CBR4: variants seen among roughly 807,000 people sequenced by gnomAD.
CBR4 encodes the protein carbonyl reductase 4, also known as 3-oxoacyl-[acyl-carrier-protein] reductase.
CBR4 carries 22 observed loss-of-function variants against 21.0 expected under a neutral mutation model. That is an observed-to-expected ratio of 1.05 (90% confidence interval 0.75 to 1.50). CBR4 has a LOEUF of 1.50. CBR4 is among the 40% of genes most tolerant of loss of function. CBR4 has a pLI of 0.00. For missense variants in CBR4, 302 were observed against 286.3 expected (o/e 1.05, Z -0.40); for synonymous variants, 100 against 104.4 (o/e 0.96, Z 0.26).
At chr4:168,996,191 G>A (rs561591651) in intron 4 of CBR4, among the ~76,000 whole-genome samples, 1 of 152,340 alleles carries the variant, frequency 6.6e-6, no homozygotes, top group South Asian at 2.1e-4. Context: ...AAGTGGGTGA[G>A]AGAGGCCAAG....
At chr4:169,002,276 A>G (rs1730519886) in intron 3 of CBR4, 71 bp from the exon 4 acceptor site, 1 of 1,313,522 alleles carries the variant, frequency 7.6e-7, no homozygotes, top group East Asian at 2.9e-5. Flanking sequence ...TTGAAAATTT[A>G]GATAATTTAT....
At chr4:168,905,414 T>A (rs965478955) in intron 2 of CBR4, among the ~76,000 whole-genome samples, 1 of 151,868 alleles carries the variant, frequency 6.6e-6, no homozygotes, top group Non-Finnish European at 1.5e-5. Context: ...TCCCAAAGTG[T>A]TAGCATTACA....
downstream of CBR4, among the ~76,000 whole-genome samples, chr4:168,982,654 G>A (rs1289139828): frequency 6.6e-6 from 1 of 152,022 alleles, no homozygotes; most frequent in Non-Finnish European, 1.5e-5. Context: ...CTCTAAAACT[G>A]ACTACACACT....
At chr4:168,934,273 C>CAAAAAAAAAAA (rs1206272373) in intron 2 of CBR4, among the ~76,000 whole-genome samples, 5 of 10,662 alleles carry the variant, frequency 4.7e-4, no homozygotes, top group Non-Finnish European at 7.9e-4. Context: ...ACTAGAAAAG[C>CAAAAAAAAAAA]AAAAAAAACA....
intron 2 of CBR4, among the ~76,000 whole-genome samples, chr4:168,965,359 C>T (rs1763990141): frequency 6.6e-6 from 1 of 152,182 alleles, no homozygotes; most frequent in Admixed American, 6.5e-5. Context: ...CTATCCCCAT[C>T]AAGCTACCAC....
chr4:168,987,489 G>C (rs1053111248), downstream of CBR4: 1 of 216,082 alleles, frequency 4.6e-6, no homozygotes. Context: ...AATGAACACA[G>C]TATGGTCTCT....
downstream of CBR4, among the ~76,000 whole-genome samples, chr4:168,985,351 C>T (rs756568260): frequency 4.6e-5 from 7 of 152,140 alleles, no homozygotes; most frequent in Admixed American, 2.6e-4. Flanking sequence ...TACCATCTCA[C>T]GCCACTCAGA....
intron 2 of CBR4, among the ~76,000 whole-genome samples, chr4:168,964,822 G>T (rs535197653): frequency 6.6e-6 from 1 of 152,190 alleles, no homozygotes; most frequent in African/African-American, 2.4e-5. Flanking sequence ...AGTATGTGTA[G>T]ATCACTGTGT....
chr4:168,998,393 G>A (rs1035664254), intron 4 of CBR4, among the ~76,000 whole-genome samples: 1 of 152,064 alleles, frequency 6.6e-6, no homozygotes, highest in Non-Finnish European at 1.5e-5. Flanking sequence ...ATCATTTTCT[G>A]TTTTCATTCA....
At chr4:168,933,139 C>T (rs1001933888) in intron 2 of CBR4, among the ~76,000 whole-genome samples, 6 of 151,970 alleles carry the variant, frequency 3.9e-5, no homozygotes, top group Non-Finnish European at 5.9e-5. Flanking sequence ...ATCAATAAAA[C>T]GACAAGAGTT....
At chr4:168,921,544 T>C (rs1761521166) in intron 2 of CBR4, 1 of 1,603,674 alleles carries the variant, frequency 6.2e-7, no homozygotes, top group African/African-American at 1.4e-5. Context: ...GTCAGTGGGT[T>C]ACCAACCCCA....
At chr4:168,913,821 T>C in intron 2 of CBR4, 2 of 842,232 alleles carry the variant, frequency 2.4e-6, no homozygotes, top group Non-Finnish European at 4.1e-6. Flanking sequence ...GCATACTGAA[T>C]TTTTTATGAA....
intron 2 of CBR4, among the ~76,000 whole-genome samples, chr4:168,956,748 G>A (rs1031097308): frequency 3.3e-5 from 5 of 151,902 alleles, no homozygotes; most frequent in African/African-American, 1.2e-4. Flanking sequence ...TTCCAGGTGA[G>A]GAAACAGGCT....
rs1731281577 is a variant in CBR4 at position 169,009,986 on chromosome 4, T to C, written c.104A>G (p.Asn35Ser). 6.2e-7 allele frequency: 1 copy of C among 1,613,108 alleles called. No individual in the cohort carries two copies. The highest frequency in any genetic ancestry group is 1.7e-4 in the Middle Eastern group (1 of 5,970). ...KGYRLAVIAR[N>S]LEGAKAAAGD... ...GGCGGCGGCTTTGGCCCCTTCCAGGTTTCTGGCAATGACCGCCAGTCGGTA... is the reference window on the plus strand; with the variant it reads ...GGCGGCGGCTTTGGCCCCTTCCAGGCTTCTGGCAATGACCGCCAGTCGGTA... The change falls in exon 1 of 5, where the codon AAC (asparagine) becomes AGC (serine). Residue 35 changes from asparagine to serine, a missense_variant. Coordinates refer to ENST00000306193, the MANE Select transcript of CBR4 (RefSeq NM_032783.5).
chr4:168,926,513 A>C, intron 2 of CBR4: 1 of 656,300 alleles, frequency 1.5e-6, no homozygotes, highest in Non-Finnish European at 2.5e-6. Context: ...AAACACCAAA[A>C]TAATATTTTT....
In CBR4 at chr4:168,919,262, G is replaced by T. The variant is rs538946249; in HGVS notation, n.170-24497C>A. Among the ~76,000 whole-genome samples, 6 of 152,224 alleles carry T rather than the reference G, an allele frequency of 3.9e-5. No individual in the cohort carries two copies. The South Asian group carries it at 6.2e-4, about 16-fold the overall frequency. On this transcript the variant is annotated intron_variant and non_coding_transcript_variant, in intron 2 of 3. Coordinates refer to the CBR4 transcript ENST00000509108. ...AAAATCGGCCAGGCACGTGGGTCAC[G>T]CCTGTAATCCTAAAACTTTGGGAGG...
intron 2 of CBR4, among the ~76,000 whole-genome samples, chr4:168,952,401 G>C (rs1248702734): frequency 6.6e-6 from 1 of 152,008 alleles, no homozygotes; most frequent in Admixed American, 6.5e-5. Context: ...CTAACCTCCT[G>C]AATGCTTTCT....
intron 2 of CBR4, among the ~76,000 whole-genome samples, chr4:168,919,706 C>A (rs1403581557): frequency 1.3e-5 from 2 of 152,140 alleles, no homozygotes; most frequent in African/African-American, 4.8e-5. Flanking sequence ...CATTCCTAGA[C>A]ACTGATTATC....
chr4:168,897,447 T>C (rs1004167689), intron 2 of CBR4, among the ~76,000 whole-genome samples: 3 of 152,304 alleles, frequency 2.0e-5, no homozygotes, highest in Non-Finnish European at 2.9e-5. Context: ...CTTGTCTTCA[T>C]TGCACTTTTT....
Sources: allele counts gnomAD v4.1 joint callset (sites outside exome capture counted in the v4.1 genomes callset), GRCh38; gene constraint gnomAD v4.1.1; transcripts MANE v1.5; gene names NCBI Gene and HGNC (gene_info 2026-07-23, HGNC 2026-07-21).